Variants in TAFA5 observed in about 807,000 individuals in gnomAD.
TAFA5 encodes TAFA chemokine like family member 5.
Under a neutral mutation model 15.3 loss-of-function variants are expected in TAFA5, and 6 were observed. The ratio of observed to expected loss-of-function variants is 0.39; its 90% CI spans 0.21 to 0.77. The LOEUF (loss-of-function observed/expected upper bound fraction) is 0.77, where lower values mean the gene tolerates loss of function less well. Among genes scored for constraint, TAFA5 ranks in the 30% least tolerant of loss-of-function variants. The pLI is 0.41. For missense variants in TAFA5, 161 were observed against 193.1 expected, an observed-to-expected ratio of 0.83 and a Z score of 0.98; for synonymous variants, 103 against 80.7, an observed-to-expected ratio of 1.28 and a Z score of -1.48.
At chr22:48,718,106 C>T (rs1038878176) in intron 3 of TAFA5, among the ~76,000 whole-genome samples, 16 of 152,132 alleles carry the variant, frequency 1.1e-4, no homozygotes, top group Non-Finnish European at 1.5e-5. Flanking sequence ...ACGGGCTGAG[C>T]AGAAGCGGAG....
intron 1 of TAFA5, among the ~76,000 whole-genome samples, chr22:48,505,867 C>T (rs914953285): frequency 6.6e-6 from 1 of 152,214 alleles, no homozygotes; most frequent in African/African-American, 2.4e-5. Context: ...AGGGAAAGGG[C>T]TCCTGTGGAC....
Position 48,550,244 on chromosome 22 carries a change from G to A in TAFA5, c.112+60540G>A, listed in dbSNP as rs62223655. Among the ~76,000 whole-genome samples, 925 of 152,312 alleles carry A rather than the reference G, an allele frequency of 6.1e-3. 4 individuals are homozygous for A. Among genetic ancestry groups the A allele is most frequent in the Middle Eastern group, 0.014 (4 of 294 alleles). ...AGTTGAGTGCTTGGCTCCAGGGCCTGGGCAGATGGCGCATCTGGCCGGGAT... is the reference window on the plus strand; with the variant it reads ...AGTTGAGTGCTTGGCTCCAGGGCCTAGGCAGATGGCGCATCTGGCCGGGAT... On this transcript the variant is annotated intron_variant, in intron 1 of 3. Transcript: ENST00000402357. This position sits in a 1 kb window ranked among gnomAD's most constrained non-coding sequence, Gnocchi z 4.1.
chr22:48,612,520 C>T (rs1206077771), intron 1 of TAFA5, among the ~76,000 whole-genome samples: 1 of 152,126 alleles, frequency 6.6e-6, no homozygotes, highest in Non-Finnish European at 1.5e-5. Context: ...TCTCCTGGAC[C>T]CTCCAGCCCT....
intron 1 of TAFA5, among the ~76,000 whole-genome samples, chr22:48,588,500 T>C (rs1924441617): frequency 6.6e-6 from 1 of 152,050 alleles, no homozygotes; most frequent in Non-Finnish European, 1.5e-5. Context: ...CCAGGCAGGG[T>C]GGGTGCTACC....
chr22:48,736,532 A>G (rs534981590), intron 3 of TAFA5, among the ~76,000 whole-genome samples: 1 of 152,166 alleles, frequency 6.6e-6, no homozygotes, highest in Non-Finnish European at 1.5e-5. Flanking sequence ...ACAAACCTGT[A>G]CACGCCTGTT....
At chr22:48,705,748 G>A (rs1929057556) in intron 2 of TAFA5, among the ~76,000 whole-genome samples, 1 of 152,268 alleles carries the variant, frequency 6.6e-6, no homozygotes, top group Non-Finnish European at 1.5e-5. Context: ...CATGAAGCCA[G>A]CCCGCTGCCC....
intron 3 of TAFA5, among the ~76,000 whole-genome samples, chr22:48,725,209 A>G (rs929065948): frequency 1.3e-5 from 2 of 152,222 alleles, no homozygotes; most frequent in African/African-American, 4.8e-5. Context: ...CCACACCTGC[A>G]GGAACCAGAG....
intron 1 of TAFA5, among the ~76,000 whole-genome samples, chr22:48,554,958 G>C (rs1417978381): frequency 6.6e-6 from 1 of 152,204 alleles, no homozygotes; most frequent in Non-Finnish European, 1.5e-5. Flanking sequence ...GGGAGTCCCT[G>C]GGCGGGGGCC....
chr22:48,621,530 A>G (rs1002918242), intron 1 of TAFA5, among the ~76,000 whole-genome samples: 1 of 151,940 alleles, frequency 6.6e-6, no homozygotes, highest in Non-Finnish European at 1.5e-5. Flanking sequence ...ATGCTTTGTG[A>G]GGTCTTCTCA....
intron 1 of TAFA5, among the ~76,000 whole-genome samples, chr22:48,542,455 G>A (rs1569019085): frequency 1.6e-5 from 2 of 125,126 alleles, no homozygotes; most frequent in East Asian, 2.6e-4. Context: ...GTGTATGTGC[G>A]GGTGTGTGTT....
At chr22:48,562,617 G>C (rs962573670) in intron 1 of TAFA5, among the ~76,000 whole-genome samples, 1 of 152,152 alleles carries the variant, frequency 6.6e-6, no homozygotes, top group African/African-American at 2.4e-5. Context: ...GGGGACCCCC[G>C]GGGCCCGGTC....
chr22:48,512,145 G>A (rs1921237648), intron 1 of TAFA5, among the ~76,000 whole-genome samples: 1 of 152,182 alleles, frequency 6.6e-6, no homozygotes, highest in African/African-American at 2.4e-5. Context: ...CCCTGTGGTG[G>A]ACCAGGCTGC....
At chr22:48,597,689 T>G (rs1456519058) in intron 1 of TAFA5, among the ~76,000 whole-genome samples, 1 of 152,274 alleles carries the variant, frequency 6.6e-6, no homozygotes, top group East Asian at 1.9e-4. Context: ...CTTCCGGTTC[T>G]TGGCTGAGTC....
At chr22:48,725,912 G>C (rs1470001775) in intron 3 of TAFA5, among the ~76,000 whole-genome samples, 1 of 152,134 alleles carries the variant, frequency 6.6e-6, no homozygotes, top group Non-Finnish European at 1.5e-5. Flanking sequence ...AGTTACTCGA[G>C]CTGGAGGAAA....
intron 2 of TAFA5, among the ~76,000 whole-genome samples, chr22:48,674,159 G>A (rs566198607): frequency 1.3e-5 from 2 of 152,316 alleles, no homozygotes; most frequent in South Asian, 4.1e-4. Flanking sequence ...GGGCCGGGCG[G>A]TGCAGATGTA....
At chr22:48,732,212 A>T (rs1273544679) in intron 3 of TAFA5, among the ~76,000 whole-genome samples, 1 of 152,058 alleles carries the variant, frequency 6.6e-6, no homozygotes, top group Admixed American at 6.6e-5. Flanking sequence ...ACGGATGGGG[A>T]GGTACTTCTT....
Position 48,562,417 on chromosome 22 carries a change from C to T in TAFA5, c.112+72713C>T, listed in dbSNP as rs186270970. Among the ~76,000 whole-genome samples, 888 of 152,326 alleles carry T rather than the reference C, an allele frequency of 5.8e-3. 5 individuals carry two copies. Among genetic ancestry groups the T allele is most frequent in the African/African-American group, 0.02 (849 of 41,580 alleles). On this transcript the variant is annotated intron_variant, in intron 1 of 3. Coordinates refer to ENST00000402357, the MANE Select transcript of TAFA5 (RefSeq NM_001082967.3). ...CCTCCCAAAGTGCTGGGATTACAGGCGTGAGCCACCGCGCCCGGCCCCGCG... is the reference window on the plus strand; with the variant it reads ...CCTCCCAAAGTGCTGGGATTACAGGTGTGAGCCACCGCGCCCGGCCCCGCG...
In TAFA5 at chr22:48,556,448, G is replaced by A. The variant is rs77684173; in HGVS notation, c.112+66744G>A. On this transcript the variant is annotated intron_variant, in intron 1 of 3. Transcript: ENST00000402357. ...CTGCAGCTTACACACATATGCACGC[G>A]TGCTAAGCTGCACATAATTAATAGA... Among the ~76,000 whole-genome samples, 632 of 152,370 alleles carry A rather than the reference G, an allele frequency of 4.1e-3. 5 individuals carry two copies. The highest frequency in any genetic ancestry group is 0.015 in the African/African-American group (603 of 41,580).
At chr22:48,495,120 G>A (rs576198442) in intron 1 of TAFA5, among the ~76,000 whole-genome samples, 2 of 152,278 alleles carry the variant, frequency 1.3e-5, no homozygotes, top group Admixed American at 6.5e-5. Context: ...GTCCCTTGGC[G>A]TGTCACCTGC....
Sources: allele counts gnomAD v4.1 joint callset (sites outside exome capture counted in the v4.1 genomes callset), GRCh38; gene constraint gnomAD v4.1.1; non-coding constraint Gnocchi (gnomAD v3.1); transcripts MANE v1.5; gene names NCBI Gene and HGNC (gene_info 2026-07-23, HGNC 2026-07-21).